The following MYOF variants were observed in gnomAD, a reference collection of about 807,000 sequenced individuals.
The protein encoded by MYOF is fer-1-like 3, myoferlin.
Under a neutral mutation model 284.2 loss-of-function variants are expected in MYOF, and 244 were observed. The observed-to-expected ratio is 0.86, with a 90% CI of 0.77 to 0.95. The LOEUF is 0.95. Among genes scored for constraint, MYOF ranks in the 40% least tolerant of loss-of-function variants. The probability of loss-of-function intolerance (pLI) is 0.00; values close to 1 mark genes in which losing one functional copy is unlikely to be tolerated. For synonymous variants in MYOF, 904 were observed against 919.7 expected, an observed-to-expected ratio of 0.98 and a Z score of 0.31; for missense variants, 2,496 against 2,560.6, an observed-to-expected ratio of 0.97 and a Z score of 0.54.
In MYOF at chr10:93,347,770, C is replaced by T; in HGVS notation, c.4096G>A (p.Glu1366Lys). 1.9e-6 allele frequency: 3 copies of T among 1,611,844 alleles called. No individual in the cohort carries two copies. Among genetic ancestry groups the T allele is most frequent in the Non-Finnish European group, 2.5e-6 (3 of 1,178,584 alleles). ...ACCAGTGGGGGCATGTACAATTCCT[C>T]CTTGGGCAAGAACTGGGGGTCACAA... ...VLFMKVFLPK[E>K]ELYMPPLVIK... Residue 1366 changes from glutamate (E) to lysine (K), a missense_variant, in exon 37 of 54, where the codon GAG becomes AAG. By Grantham distance (56) the Glu-to-Lys change is moderately conservative. This residue lies in a region of MYOF where 2,436 missense variants were observed against 2,480.7 expected (regional missense o/e 0.98). Coordinates refer to ENST00000359263, the MANE Select transcript of MYOF (RefSeq NM_013451.4).
At chr10:93,332,365 G>A (rs1843352744) in intron 43 of MYOF, among the ~76,000 whole-genome samples, 1 of 151,902 alleles carries the variant, frequency 6.6e-6, no homozygotes, top group Admixed American at 6.6e-5. Context: ...TGGGATTACA[G>A]GTACACACCA....
At chr10:93,410,068 G>A (rs571803265) in intron 5 of MYOF, among the ~76,000 whole-genome samples, 36 of 152,280 alleles carry the variant, frequency 2.4e-4, no homozygotes, top group African/African-American at 8.7e-4. Flanking sequence ...GTGTTAGGAT[G>A]GAAAAAGGAA....
At chr10:93,307,872 G>T (rs190368757) in intron 53 of MYOF, among the ~76,000 whole-genome samples, 1 of 149,924 alleles carries the variant, frequency 6.7e-6, no homozygotes, top group Non-Finnish European at 1.5e-5. Flanking sequence ...TGATCCGCCC[G>T]CCTCAGCCTC....
In MYOF at chr10:93,347,319, G is replaced by C. The variant is rs911536839; in HGVS notation, c.4249+298C>G. On this transcript the variant is annotated intron_variant, in intron 37 of 53. Transcript: ENST00000359263. The stretch of plus-strand genomic sequence containing the variant: ...TGTAATCCCAGCACTTTGGGAGGCC[G>C]AGGCGGGTGGATCATGAGGTCAGGA... Among the ~76,000 whole-genome samples the C allele has an allele frequency of 6.8e-4, 103 of 151,310 alleles. 1 individual carries two copies. Among genetic ancestry groups the C allele is most frequent in the Non-Finnish European group, 1.1e-3 (77 of 67,774 alleles).
chr10:93,357,459 T>C (rs1844860747), intron 29 of MYOF, among the ~76,000 whole-genome samples: 1 of 152,220 alleles, frequency 6.6e-6, no homozygotes, highest in Non-Finnish European at 1.5e-5. Flanking sequence ...GTGCCCACTG[T>C]GTGACAGGGA....
Position 93,316,830 on chromosome 10 carries a change from C to T in MYOF, c.5599-17G>A. 2 of 1,592,806 alleles carry T rather than the reference C, an allele frequency of 1.3e-6. No individual in the cohort carries two copies. The highest frequency in any genetic ancestry group is 1.7e-5 in the Admixed American group (1 of 59,910). On this transcript the variant is annotated splice_polypyrimidine_tract_variant and intron_variant, in intron 49 of 53. Transcript: ENST00000359263. ...GAAATGCTCCTAAAACAAAAAGAAA[C>T]ATGATCATGATGACTCTGAAACACT...
chr10:93,383,941 T>G (rs1403273717), intron 19 of MYOF, among the ~76,000 whole-genome samples: 14 of 152,118 alleles, frequency 9.2e-5, no homozygotes, highest in Non-Finnish European at 1.8e-4. Flanking sequence ...TAGAACCCCA[T>G]GGATGCTCTC....
At chr10:93,307,932 G>C (rs1264037942) in intron 53 of MYOF, among the ~76,000 whole-genome samples, 1 of 150,086 alleles carries the variant, frequency 6.7e-6, no homozygotes, top group Non-Finnish European at 1.5e-5. Flanking sequence ...GCTGCCAACA[G>C]AATCTAAATC....
chr10:93,315,214 A>G (rs1169649673), intron 50 of MYOF, among the ~76,000 whole-genome samples: 1 of 152,172 alleles, frequency 6.6e-6, no homozygotes, highest in East Asian at 1.9e-4. Context: ...TAAATAAGAC[A>G]CAGCCTTTGG....
At chr10:93,430,368 G>T (rs1848786074) in intron 4 of MYOF, among the ~76,000 whole-genome samples, 1 of 151,880 alleles carries the variant, frequency 6.6e-6, no homozygotes, top group African/African-American at 2.4e-5. Flanking sequence ...GATCACCTGA[G>T]GTCAGGAGTT....
Position 93,373,057 on chromosome 10 carries a change from A to G in MYOF, c.2330T>C (p.Ile777Thr), listed in dbSNP as rs1180161264. The change falls in exon 24 of 54, where the codon ATC becomes ACC. Residue 777 changes from isoleucine (I) to threonine (T), a missense_variant. Transcript: ENST00000359263. ...EPQNSMPDIIIWMIRGEKRLA... is the reference protein window; with the variant it reads ...EPQNSMPDIITWMIRGEKRLA... ...TCTCTTCTCTCCCCGGATCATCCAG[A>G]TGATGATGTCAGGCATGCTGTTCTG... 1 of 1,614,164 alleles carries G rather than the reference A, an allele frequency of 6.2e-7. No homozygotes were observed. The highest frequency in any genetic ancestry group is 8.5e-7 in the Non-Finnish European group (1 of 1,180,018).
chr10:93,384,777 C>T (rs553815283), intron 19 of MYOF, among the ~76,000 whole-genome samples: 2 of 152,252 alleles, frequency 1.3e-5, no homozygotes, highest in South Asian at 4.2e-4. Flanking sequence ...AGTAGAGTTT[C>T]AGCAGTCGAT....
intron 19 of MYOF, among the ~76,000 whole-genome samples, chr10:93,387,081 CT>C (rs1846411168): frequency 6.6e-6 from 1 of 152,188 alleles, no homozygotes; most frequent in Non-Finnish European, 1.5e-5. Context: ...ACCCTTTTTA[CT>C]GTATTTTCGT....
chr10:93,353,270 C>T (rs868838386), intron 32 of MYOF, among the ~76,000 whole-genome samples: 47 of 152,048 alleles, frequency 3.1e-4, no homozygotes, highest in Middle Eastern at 6.8e-3. Flanking sequence ...AGAACCAGTC[C>T]GAAGCAACAA....
chr10:93,309,989 C>A (rs753092325), intron 53 of MYOF, 31 bp downstream of exon 53: 1 of 1,613,066 alleles, frequency 6.2e-7, no homozygotes, highest in African/African-American at 1.3e-5. Context: ...CACAAGAAAG[C>A]CAAGACAAGG....
intron 25 of MYOF, among the ~76,000 whole-genome samples, chr10:93,369,005 T>C (rs961344407): frequency 1.3e-5 from 2 of 152,186 alleles, no homozygotes; most frequent in Non-Finnish European, 2.9e-5. Flanking sequence ...GTGAACATTA[T>C]TTTCATTGGT....
At chr10:93,392,734 A>G (rs2134048248) in intron 17 of MYOF, among the ~76,000 whole-genome samples, 183 bp downstream of exon 17, 2 of 152,346 alleles carry the variant, frequency 1.3e-5, no homozygotes, top group South Asian at 4.1e-4. Flanking sequence ...TGGTTAGCAT[A>G]TTTCTTTTAA....
intron 1 of MYOF, among the ~76,000 whole-genome samples, chr10:93,462,169 C>T (rs2056899516): frequency 6.6e-6 from 1 of 151,116 alleles, no homozygotes; most frequent in Non-Finnish European, 1.5e-5. Flanking sequence ...TTGCTCACTA[C>T]AATCTCTCTC....
At chr10:93,355,059 A>G (rs1000764018) in intron 31 of MYOF, among the ~76,000 whole-genome samples, 1 of 152,132 alleles carries the variant, frequency 6.6e-6, no homozygotes, top group Non-Finnish European at 1.5e-5. Context: ...TTAAAATTTT[A>G]ATTTTGGGGG....
Sources: gnomAD v4.1 joint callset for allele counts (sites outside exome capture counted in the v4.1 genomes callset) on GRCh38, gnomAD v4.1.1 for gene constraint, gnomAD v4.1.1 regional missense constraint, MANE v1.5 for transcripts, NCBI Gene and HGNC (gene_info 2026-07-23, HGNC 2026-07-21) for gene names.